FRMPD2: variants seen among roughly 807,000 people sequenced by gnomAD.
The protein encoded by FRMPD2 is FERM and PDZ domain-containing protein 2.
A neutral mutation model predicts 140.1 loss-of-function variants in FRMPD2; 96 were observed. The observed-to-expected ratio is 0.69, with a 90% CI of 0.58 to 0.81. The LOEUF (loss-of-function observed/expected upper bound fraction) is 0.81, where lower values mean the gene tolerates loss of function less well. FRMPD2 is among the 40% of genes least tolerant of loss of function. The probability of loss-of-function intolerance (pLI) is 0.00; values close to 1 mark genes in which losing one functional copy is unlikely to be tolerated. For missense variants in FRMPD2, 1,240 were observed against 1,447.4 expected (o/e 0.86, Z 2.32); for synonymous variants, 449 against 547.6 (o/e 0.82, Z 2.52).
intron 13 of FRMPD2, among the ~76,000 whole-genome samples, chr10:48,208,880 C>T (rs77191203): frequency 0.011 from 1,722 of 152,332 alleles, 25 homozygotes; most frequent in African/African-American, 0.037. Flanking sequence ...CCACACATCC[C>T]TTGCTGCATT....
intron 3 of FRMPD2, chr10:48,248,434 T>G (rs1456157607): frequency 1.3e-5 from 2 of 152,210 alleles, no homozygotes; most frequent in Non-Finnish European, 2.9e-5. Flanking sequence ...TTTCATCCTC[T>G]CTAACCAAAC....
At chr10:48,184,494 T>C in intron 20 of FRMPD2, 72 bp downstream of exon 20, 1 of 919,220 alleles carries the variant, frequency 1.1e-6, no homozygotes, top group South Asian at 1.4e-5. Flanking sequence ...CAAGGTCTAG[T>C]ACCTCACAGT....
intron 1 of FRMPD2, among the ~76,000 whole-genome samples, chr10:48,270,214 C>A (rs970236271): frequency 6.6e-6 from 1 of 152,134 alleles, no homozygotes; most frequent in East Asian, 1.9e-4. Context: ...GACGTGGTCT[C>A]GAGGCCCATT....
At chr10:48,223,406 G>T in intron 10 of FRMPD2, 136 bp from the exon 11 acceptor site, 1 of 690,124 alleles carries the variant, frequency 1.4e-6, no homozygotes, top group South Asian at 3.3e-5. Flanking sequence ...AAGTCTTTGC[G>T]TACCTGGTAG....
At chr10:48,206,712 G>T in intron 14 of FRMPD2, 36 bp downstream of exon 14, 1 of 1,563,106 alleles carries the variant, frequency 6.4e-7, no homozygotes, top group Non-Finnish European at 8.8e-7. Flanking sequence ...AAAGGAAAAT[G>T]AAGTGCAGGT....
chr10:48,255,354 C>T (rs1177392414), intron 1 of FRMPD2, among the ~76,000 whole-genome samples: 3 of 152,200 alleles, frequency 2.0e-5, no homozygotes, highest in Non-Finnish European at 4.4e-5. Context: ...CCCTGGCATG[C>T]CTCGGGCTAG....
intron 12 of FRMPD2, 115 bp downstream of exon 12, chr10:48,222,198 G>C: frequency 2.0e-6 from 2 of 1,004,860 alleles, no homozygotes; most frequent in East Asian, 5.1e-5. Context: ...CTCCAATCTA[G>C]CTGGTAGATG....
intron 1 of FRMPD2, among the ~76,000 whole-genome samples, chr10:48,262,068 T>C (rs1167238286): frequency 6.6e-6 from 1 of 151,986 alleles, no homozygotes; most frequent in Admixed American, 6.5e-5. Context: ...TTGCAACAAA[T>C]AGAAAACAGT....
intron 28 of FRMPD2, among the ~76,000 whole-genome samples, chr10:48,158,007 C>T (rs1471035683): frequency 1.5e-5 from 2 of 136,330 alleles, no homozygotes; most frequent in East Asian, 4.2e-4. Flanking sequence ...TGTCCATTGG[C>T]CACTGCAGCT....
chr10:48,235,709 G>A (rs1839952114), intron 9 of FRMPD2, among the ~76,000 whole-genome samples: 1 of 152,222 alleles, frequency 6.6e-6, no homozygotes, highest in African/African-American at 2.4e-5. Context: ...AGATGGGAAA[G>A]GCTCACATCC....
At chr10:48,264,160 G>GTA (rs972877716) in intron 1 of FRMPD2, among the ~76,000 whole-genome samples, 1 of 151,136 alleles carries the variant, frequency 6.6e-6, no homozygotes, top group Non-Finnish European at 1.5e-5. Context: ...TTTAAAATAT[G>GTA]TAAAAAAAAA....
chr10:48,206,315 G>A (rs1311862629), intron 14 of FRMPD2, among the ~76,000 whole-genome samples: 6 of 152,248 alleles, frequency 3.9e-5, no homozygotes, highest in East Asian at 3.9e-4. Context: ...GGCACACTGC[G>A]TGCAAAGGGA....
At chr10:48,201,996 C>A (rs1012377522) in intron 14 of FRMPD2, among the ~76,000 whole-genome samples, 1 of 151,440 alleles carries the variant, frequency 6.6e-6, no homozygotes, top group Non-Finnish European at 1.5e-5. Context: ...CACAAAGAAA[C>A]GCTTCCCCAC....
At chr10:48,266,750 A>G (rs1335530619) in intron 1 of FRMPD2, among the ~76,000 whole-genome samples, 1 of 152,230 alleles carries the variant, frequency 6.6e-6, no homozygotes, top group African/African-American at 2.4e-5. Flanking sequence ...GACTTGCGTC[A>G]CACCCTAGAC....
At chr10:48,242,632 C>A (rs169439) in intron 4 of FRMPD2, among the ~76,000 whole-genome samples, 125,479 of 152,262 alleles carry the variant, frequency 0.82, 54,747 homozygotes, top group East Asian at 1. Flanking sequence ...CTCATGAAAA[C>A]TAGATGCTTT....
intron 1 of FRMPD2, among the ~76,000 whole-genome samples, chr10:48,268,371 T>C (rs1455997446): frequency 6.6e-6 from 1 of 152,178 alleles, no homozygotes; most frequent in Non-Finnish European, 1.5e-5. Context: ...ACTATACAAC[T>C]GAGCAATTGT....
intron 12 of FRMPD2, among the ~76,000 whole-genome samples, chr10:48,215,830 C>A (rs544830402): frequency 6.6e-6 from 1 of 152,162 alleles, no homozygotes; most frequent in East Asian, 1.9e-4. Context: ...TGGTGCTGGT[C>A]CATTTTATGT....
chr10:48,250,960 C>CA (rs2131967392), intron 2 of FRMPD2, among the ~76,000 whole-genome samples: 1 of 133,550 alleles, frequency 7.5e-6, no homozygotes, highest in African/African-American at 4.1e-5. Context: ...CCATACCTGG[C>CA]AAATTTTTTT....
intron 15 of FRMPD2, among the ~76,000 whole-genome samples, chr10:48,200,226 C>A (rs1839053920): frequency 6.6e-6 from 1 of 151,434 alleles, no homozygotes. Flanking sequence ...CATTTGCTGA[C>A]TAGAGGTCAC....
Sources: allele counts gnomAD v4.1 joint callset (sites outside exome capture counted in the v4.1 genomes callset), GRCh38; gene constraint gnomAD v4.1.1; transcripts MANE v1.5; gene names NCBI Gene and HGNC (gene_info 2026-07-23, HGNC 2026-07-21).